Variants in SPINK7 observed in about 807,000 individuals in gnomAD.
The protein encoded by SPINK7 is serine protease inhibitor Kazal-type 7.
Under a neutral mutation model 11.6 loss-of-function variants are expected in SPINK7, and 8 were observed. The observed-to-expected ratio is 0.69, with a 90% CI of 0.41 to 1.25. SPINK7 has a LOEUF of 1.25. Ranked by LOEUF, SPINK7 falls within the 50% of genes most tolerant of loss-of-function variation. The probability of loss-of-function intolerance (pLI) is 0.01; values close to 1 mark genes in which losing one functional copy is unlikely to be tolerated. For missense variants in SPINK7, 113 were observed against 99.3 expected (o/e 1.14, Z -0.58); for synonymous variants, 38 against 35.3 (o/e 1.08, Z -0.27).
chr5:148,315,164 G>C (rs990800310), intron 3 of SPINK7, among the ~76,000 whole-genome samples: 1 of 152,130 alleles, frequency 6.6e-6, no homozygotes, highest in Non-Finnish European at 1.5e-5. Flanking sequence ...TCCTATTTGG[G>C]AGGTTTTATT....
rs1756925143 is a variant in SPINK7, at chr5:148,315,806, G to C, written c.*122G>C. On this transcript the variant is annotated 3_prime_UTR_variant, in exon 4 of 4. Transcript: ENST00000274565. ...TGGGTGGGGGACAGAGCCAGATTCA[G>C]AGTAATCTTGACTGAATGGAGAAAG... is the stretch of plus-strand genomic sequence containing the variant. The C allele has an allele frequency of 3.4e-6, 2 of 596,108 alleles. No homozygotes were observed. The highest frequency in any genetic ancestry group is 3.7e-5 in the African/African-American group (2 of 54,792). 36.9% of individuals were successfully genotyped at this position (596,108 alleles called of 1,614,324 possible).
chr5:148,312,778 T>C (rs749405442), intron 1 of SPINK7, among the ~76,000 whole-genome samples: 9 of 152,100 alleles, frequency 5.9e-5, no homozygotes, highest in Non-Finnish European at 1.2e-4. Flanking sequence ...TCTCTGTAAG[T>C]CTTCCATTTC....
chr5:148,315,034 G>A (rs1581179347), intron 3 of SPINK7, among the ~76,000 whole-genome samples: 1 of 152,044 alleles, frequency 6.6e-6, no homozygotes, highest in South Asian at 2.1e-4. Context: ...TGTGATCATC[G>A]TTAACTCTTT....
intron 2 of SPINK7, 191 bp from the exon 3 acceptor site, chr5:148,313,909 T>G (rs1019911682): frequency 4.6e-6 from 3 of 652,298 alleles, no homozygotes; most frequent in Admixed American, 2.7e-5. Context: ...AATTGTTAAC[T>G]GAGTGTAGCA....
chr5:148,314,242 A>C lies in SPINK7; in HGVS notation c.212+18A>C. 6.2e-7 allele frequency: 1 copy of C among 1,613,230 alleles called. No homozygotes were observed. Among genetic ancestry groups the C allele is most frequent in the Non-Finnish European group, 8.5e-7 (1 of 1,179,382 alleles). On this transcript the variant is annotated intron_variant, in intron 3 of 3. Coordinates refer to ENST00000274565, the MANE Select transcript of SPINK7 (RefSeq NM_032566.3). ...GAGAGCTTGTGAGTACCTCATAAGA[A>C]GAAAATGAGATCTGGAGTCAGTGCT...
chr5:148,315,685 A>AT lies in SPINK7; in HGVS notation c.*3dup, dbSNP rs1226566932. 2.6e-6 allele frequency: 4 copies of AT among 1,567,348 alleles called. No homozygotes were observed. The highest frequency in any genetic ancestry group is 3.5e-6 in the Non-Finnish European group (4 of 1,138,064). On this transcript the variant is annotated 3_prime_UTR_variant, in exon 4 of 4. Transcript: ENST00000274565. ...GTTTCTTCACGATGGAAGTTGCTAAATTCTCCATGGACATAGAGAGAAAGG... is the reference window on the plus strand; with the variant it reads ...GTTTCTTCACGATGGAAGTTGCTAAATTTCTCCATGGACATAGAGAGAAAGG...
chr5:148,315,014 G>A (rs562579265), intron 3 of SPINK7, among the ~76,000 whole-genome samples: 1 of 152,210 alleles, frequency 6.6e-6, no homozygotes, highest in South Asian at 2.1e-4. Flanking sequence ...CTGTCTCATA[G>A]CAAGTCTGCT....
At chr5:148,313,738 C>T (rs1433377654) in intron 2 of SPINK7, 2 of 426,714 alleles carry the variant, frequency 4.7e-6, no homozygotes, top group Non-Finnish European at 8.3e-6. Context: ...AACTCTACTA[C>T]TTACCAGCAT....
intron 1 of SPINK7, among the ~76,000 whole-genome samples, 180 bp downstream of exon 1, chr5:148,312,724 C>G (rs976188244): frequency 1.3e-5 from 2 of 152,016 alleles, no homozygotes; most frequent in Non-Finnish European, 2.9e-5. Flanking sequence ...TCTTCACTTT[C>G]AAGGATTCTT....
At chr5:148,313,776 T>C (rs1756892930) in intron 2 of SPINK7, 1 of 457,242 alleles carries the variant, frequency 2.2e-6, no homozygotes, top group Non-Finnish European at 3.8e-6. Flanking sequence ...TCTCTATTTC[T>C]AAGCTTTAAT....
At chr5:148,315,610 T>C (rs773705575) in intron 3 of SPINK7, 29 bp from the exon 4 acceptor site, 49 of 1,505,198 alleles carry the variant, frequency 3.3e-5, no homozygotes, top group Non-Finnish European at 4.2e-5. Flanking sequence ...CTTGTGCTAA[T>C]GAATCTTGTG....
chr5:148,315,295 G>A (rs936122653), intron 3 of SPINK7, among the ~76,000 whole-genome samples: 3 of 152,106 alleles, frequency 2.0e-5, no homozygotes, highest in Admixed American at 1.3e-4. Flanking sequence ...ACTAATGCAG[G>A]ATCCAGCTTC....
rs371178673 is a variant in SPINK7 at position 148,312,435 on chromosome 5, G to A, written c.-49G>A. On this transcript the variant is annotated 5_prime_UTR_variant, in exon 1 of 4. Transcript: ENST00000274565. ...CCTTACCTGGGATATGGTCGATGCAGCTGTAGTGACAATCTCAGAGCAGCT... is the reference window on the plus strand; with the variant it reads ...CCTTACCTGGGATATGGTCGATGCAACTGTAGTGACAATCTCAGAGCAGCT... 4.0e-6 allele frequency: 5 copies of A among 1,244,740 alleles called. No homozygotes were observed. The African/African-American group carries it at 5.9e-5, about 15-fold the overall frequency. The allele number at this position is 1,244,740 out of a possible 1,614,324, so 77.1% of individuals were successfully genotyped here. A position where few individuals can be genotyped will look rare whatever the true frequency, so the allele number is the denominator to read the frequency against.
chr5:148,313,869 A>T, intron 2 of SPINK7: 1 of 537,504 alleles, frequency 1.9e-6, no homozygotes. Flanking sequence ...GCAAGATTTA[A>T]GTTTAACGCC....
At chr5:148,312,660 G>T in intron 1 of SPINK7, 116 bp downstream of exon 1, 6 of 643,810 alleles carry the variant, frequency 9.3e-6, no homozygotes, top group Non-Finnish European at 1.7e-5. Context: ...AAGTGTACTG[G>T]TTTGTAATAG....
chr5:148,314,792 C>T (rs761181871), intron 3 of SPINK7, among the ~76,000 whole-genome samples: 24 of 152,062 alleles, frequency 1.6e-4, no homozygotes, highest in Non-Finnish European at 2.9e-4. Flanking sequence ...TCTAGAGGCT[C>T]TAAGTATCTG....
In SPINK7 at chr5:148,313,897, G is replaced by A. The variant is rs1581178810; in HGVS notation, c.88-203G>A. On this transcript the variant is annotated intron_variant, in intron 2 of 3. Transcript: ENST00000274565. ...TTAACGCCTAGCCCAGAAATGCCCA[G>A]CAATTGTTAACTGAGTGTAGCAGAA... is the stretch of plus-strand genomic sequence containing the variant. 6 of 608,888 alleles carry A rather than the reference G, an allele frequency of 9.9e-6. No homozygotes were observed. The East Asian group carries it at 1.6e-4, about 16-fold the overall frequency. The allele number at this position is 608,888 out of a possible 1,614,324, so 37.7% of individuals were successfully genotyped here.
chr5:148,315,544 T>G (rs1039002291), intron 3 of SPINK7, 95 bp from the exon 4 acceptor site: 2 of 665,858 alleles, frequency 3.0e-6, no homozygotes, highest in Non-Finnish European at 5.4e-6. Flanking sequence ...TAAAATGAGG[T>G]GCTGCCTCAT....
intron 1 of SPINK7, among the ~76,000 whole-genome samples, 188 bp from the exon 2 acceptor site, chr5:148,313,186 G>A (rs544543167): frequency 2.0e-5 from 3 of 151,988 alleles, no homozygotes; most frequent in African/African-American, 7.2e-5. Flanking sequence ...TAAACCAAGG[G>A]TTAACCTAAC....
Sources: allele counts gnomAD v4.1 joint callset (sites outside exome capture counted in the v4.1 genomes callset), GRCh38; gene constraint gnomAD v4.1.1; transcripts MANE v1.5; gene names NCBI Gene and HGNC (gene_info 2026-07-23, HGNC 2026-07-21).